NELL2: variants seen among roughly 807,000 people sequenced by gnomAD.
The protein encoded by NELL2 is neural EGFL like 2.
In NELL2, 41 loss-of-function variants were observed where a neutral mutation model predicts 109.6. The ratio of observed to expected loss-of-function variants is 0.37; its 90% CI spans 0.29 to 0.49. The LOEUF (loss-of-function observed/expected upper bound fraction) is 0.49, where lower values mean the gene tolerates loss of function less well. Among genes scored for constraint, NELL2 ranks in the 20% least tolerant of loss-of-function variants. The pLI is 0.98. For synonymous variants in NELL2, 355 were observed against 344.7 expected (o/e 1.03, Z -0.33); for missense variants, 900 against 1,008.3 (o/e 0.89, Z 1.45).
chr12:44,791,010 T>C (rs1429680296), intron 3 of NELL2, among the ~76,000 whole-genome samples: 2 of 138,970 alleles, frequency 1.4e-5, no homozygotes, highest in African/African-American at 2.7e-5. Flanking sequence ...CCCAAATTTA[T>C]AAAACAATTA....
At chr12:44,718,578 C>T (rs978418826) in intron 9 of NELL2, among the ~76,000 whole-genome samples, 3 of 152,146 alleles carry the variant, frequency 2.0e-5, no homozygotes, top group Non-Finnish European at 4.4e-5. Context: ...TGGATTTCTA[C>T]ACCTCCAATC....
At chr12:44,598,403 T>C (rs187298998) in intron 15 of NELL2, among the ~76,000 whole-genome samples, 2 of 152,226 alleles carry the variant, frequency 1.3e-5, no homozygotes, top group East Asian at 1.9e-4. Flanking sequence ...CCCAGCTCCA[T>C]TCCTAGTAAA....
At chr12:44,853,638 G>T (rs1944594487) in intron 2 of NELL2, among the ~76,000 whole-genome samples, 1 of 152,042 alleles carries the variant, frequency 6.6e-6, no homozygotes, top group African/African-American at 2.4e-5. Context: ...GAACATCAGG[G>T]AATAGAAAGT....
chr12:44,519,505 T>C (rs1449391789), intron 19 of NELL2, among the ~76,000 whole-genome samples: 1 of 152,194 alleles, frequency 6.6e-6, no homozygotes, highest in Non-Finnish European at 1.5e-5. Flanking sequence ...AGATCTTAAA[T>C]GTTTCAACTC....
chr12:44,634,264 C>T (rs545871890), intron 13 of NELL2, among the ~76,000 whole-genome samples: 25 of 152,156 alleles, frequency 1.6e-4, no homozygotes, highest in African/African-American at 5.1e-4. Flanking sequence ...CGGTGGTTTG[C>T]TGCACCCATC....
At chr12:44,802,164 C>G (rs1418902380) in intron 3 of NELL2, among the ~76,000 whole-genome samples, 2 of 152,032 alleles carry the variant, frequency 1.3e-5, no homozygotes, top group Admixed American at 1.3e-4. Context: ...TGTGATTGAG[C>G]AAAACTCCTG....
chr12:44,792,437 G>A (rs1336055678), intron 3 of NELL2, among the ~76,000 whole-genome samples: 3 of 151,800 alleles, frequency 2.0e-5, no homozygotes, highest in African/African-American at 7.3e-5. Flanking sequence ...AGCCAAAATT[G>A]AAAGAGAAAA....
chr12:44,875,399 T>C (rs1226296150), intron 1 of NELL2, 46 bp from the exon 2 acceptor site: 1 of 1,613,878 alleles, frequency 6.2e-7, no homozygotes, highest in Non-Finnish European at 8.5e-7. Context: ...AAAAGCTCCA[T>C]CAAAATGCAA....
chr12:44,874,378 C>T (rs941066802), intron 2 of NELL2, among the ~76,000 whole-genome samples: 1 of 152,144 alleles, frequency 6.6e-6, no homozygotes, highest in Non-Finnish European at 1.5e-5. Context: ...TCTGTCTGTA[C>T]ACGTTTAGCT....
At chr12:44,814,477 A>G (rs1943273687) in intron 3 of NELL2, among the ~76,000 whole-genome samples, 1 of 152,196 alleles carries the variant, frequency 6.6e-6, no homozygotes, top group Admixed American at 6.5e-5. Flanking sequence ...CAAGGAGCTC[A>G]CTGGATCTCA....
chr12:44,825,310 T>C (rs1252775744), intron 2 of NELL2, among the ~76,000 whole-genome samples: 2 of 152,078 alleles, frequency 1.3e-5, no homozygotes, highest in African/African-American at 2.4e-5. Context: ...GTTTTCATTG[T>C]AGAGGTCTTT....
In NELL2 at chr12:44,792,118, G is replaced by A. The variant is rs1942458915; in HGVS notation, c.336-12096C>T. On this transcript the variant is annotated intron_variant, in intron 3 of 19. Transcript: ENST00000429094. Reference sequence around the variant, plus strand: ...GTGATCAACTGTATCAAACGCCATTGACAGGTTAAGTAAGATGAAGAATTA... The same window carrying A: ...GTGATCAACTGTATCAAACGCCATTAACAGGTTAAGTAAGATGAAGAATTA... Among the ~76,000 whole-genome samples, 4 of 152,318 alleles carry A rather than the reference G, an allele frequency of 2.6e-5. No homozygotes were observed. In the South Asian group the frequency reaches 8.3e-4, roughly 32 times the overall value.
intron 10 of NELL2, among the ~76,000 whole-genome samples, chr12:44,714,065 A>G (rs1938355219): frequency 6.6e-6 from 1 of 151,972 alleles, no homozygotes; most frequent in African/African-American, 2.4e-5. Flanking sequence ...GACAAACATG[A>G]AAAGTGTTGT....
chr12:44,748,242 C>G (rs1940485784), intron 9 of NELL2, among the ~76,000 whole-genome samples: 1 of 152,104 alleles, frequency 6.6e-6, no homozygotes, highest in African/African-American at 2.4e-5. Context: ...GGCTAACATA[C>G]AAAGAAAAGT....
chr12:44,855,375 T>A (rs10880698), intron 2 of NELL2, among the ~76,000 whole-genome samples: 3,171 of 152,314 alleles, frequency 0.021, 114 homozygotes, highest in East Asian at 0.18. Context: ...ATCATCAAGC[T>A]GACATCTGGG....
intron 15 of NELL2, among the ~76,000 whole-genome samples, chr12:44,591,428 T>C (rs974592934): frequency 2.6e-5 from 4 of 152,074 alleles, no homozygotes; most frequent in African/African-American, 9.7e-5. Context: ...ATATACATGA[T>C]GGAATACTAC....
intron 15 of NELL2, among the ~76,000 whole-genome samples, chr12:44,540,094 T>A (rs12582547): frequency 6.6e-6 from 1 of 152,086 alleles, no homozygotes; most frequent in African/African-American, 2.4e-5. Context: ...TGTGTTAATT[T>A]TACACACTTT....
intron 13 of NELL2, among the ~76,000 whole-genome samples, chr12:44,617,707 A>AAAAAAAG (rs1945887752): frequency 9.7e-6 from 1 of 103,506 alleles, no homozygotes; most frequent in Non-Finnish European, 1.9e-5. Flanking sequence ...AAAAAAAAAA[A>AAAAAAAG]AAAAAAGAAA....
At chr12:44,728,242 T>C (rs1566251689) in intron 9 of NELL2, among the ~76,000 whole-genome samples, 1 of 152,104 alleles carries the variant, frequency 6.6e-6, no homozygotes, top group East Asian at 1.9e-4. Context: ...CAATAGACAG[T>C]AATTTTTTTA....
Sources: allele counts gnomAD v4.1 joint callset (sites outside exome capture counted in the v4.1 genomes callset), GRCh38; gene constraint gnomAD v4.1.1; transcripts MANE v1.5; gene names NCBI Gene and HGNC (gene_info 2026-07-23, HGNC 2026-07-21).